Variants in TMEFF2 observed in about 807,000 individuals in gnomAD.
The protein encoded by TMEFF2 is tomoregulin-2.
In TMEFF2, 28 loss-of-function variants were observed where a neutral mutation model predicts 53.8. The ratio of observed to expected loss-of-function variants is 0.52; its 90% CI spans 0.39 to 0.71. TMEFF2 has a LOEUF of 0.71. Among genes scored for constraint, TMEFF2 ranks in the 30% least tolerant of loss-of-function variants. The pLI is 0.00. For missense variants in TMEFF2, 353 were observed against 455.2 expected, an observed-to-expected ratio of 0.78 and a Z score of 2.04; for synonymous variants, 162 against 166.3, an observed-to-expected ratio of 0.97 and a Z score of 0.20.
chr2:192,185,495 T>C (rs1691290323), intron 2 of TMEFF2, among the ~76,000 whole-genome samples: 1 of 152,136 alleles, frequency 6.6e-6, no homozygotes, highest in Non-Finnish European at 1.5e-5. Context: ...CTCTATGTTT[T>C]ACTTTTGATT....
intron 3 of TMEFF2, 70 bp downstream of exon 3, chr2:192,184,284 A>G: frequency 1.9e-6 from 3 of 1,574,876 alleles, no homozygotes; most frequent in South Asian, 2.3e-5. Context: ...GGGAGATAAC[A>G]AGAAATGAAA....
chr2:192,067,956 C>T (rs888287196), intron 4 of TMEFF2, among the ~76,000 whole-genome samples: 14 of 152,020 alleles, frequency 9.2e-5, no homozygotes, highest in African/African-American at 3.4e-4. Flanking sequence ...AAACATATCT[C>T]CCATGTCACT....
Position 191,998,301 on chromosome 2 carries a change from T to C in TMEFF2, c.706A>G (p.Lys236Glu), listed in dbSNP as rs1686272951. Reference protein sequence around the residue: ...RCQDNTTTTTKSEDGHYARTD... With the variant: ...RCQDNTTTTTESEDGHYARTD... ...CTTGCATAATGCCCATCTTCAGACT[T>C]AGTAGTTGTAGTTGTGTTATCTGTG... The change falls in exon 7 of 10, where the codon AAG becomes GAG. Residue 236 changes from lysine (K) to glutamate (E), a missense_variant. Coordinates refer to ENST00000272771, the MANE Select transcript of TMEFF2 (RefSeq NM_016192.4). 2 of 1,599,168 alleles carry C rather than the reference T, an allele frequency of 1.3e-6. No homozygotes were observed. Among genetic ancestry groups the C allele is most frequent in the Non-Finnish European group, 1.7e-6 (2 of 1,173,436 alleles).
intron 4 of TMEFF2, among the ~76,000 whole-genome samples, chr2:192,140,383 A>G (rs1321568314): frequency 6.6e-6 from 1 of 152,206 alleles, no homozygotes; most frequent in Non-Finnish European, 1.5e-5. Context: ...TGAGCTAACC[A>G]CATAATCTGG....
At position 192,179,713 on chromosome 2, in the gene TMEFF2, TA is replaced by T; in HGVS notation, c.413-20del. 6.6e-7 allele frequency: 1 copy of T among 1,517,450 alleles called. No individual in the cohort carries two copies. Among genetic ancestry groups the T allele is most frequent in the South Asian group, 1.4e-5 (1 of 71,348 alleles). 94.0% of individuals were successfully genotyped at this position (1,517,450 alleles called of 1,614,324 possible). A position where few individuals can be genotyped will look rare whatever the true frequency, so the allele number is the denominator to read the frequency against. On this transcript the variant is annotated intron_variant, in intron 3 of 9. Transcript: ENST00000272771. ...CCTGCATCTGTGGGGGGAAAAGTTA[TA>T]TTTGCTAGTAAAACATATTCAAAAA...
chr2:192,121,711 T>C (rs1186940028), intron 4 of TMEFF2, among the ~76,000 whole-genome samples: 1 of 152,200 alleles, frequency 6.6e-6, no homozygotes. Flanking sequence ...AGCTCTCATC[T>C]GGTCATGGAT....
At chr2:192,174,826 C>T (rs1481489859) in intron 4 of TMEFF2, among the ~76,000 whole-genome samples, 1 of 151,490 alleles carries the variant, frequency 6.6e-6, no homozygotes, top group African/African-American at 2.4e-5. Flanking sequence ...AAACATACAA[C>T]CATGATGAGG....
At chr2:192,007,920 C>T (rs1027395798) in intron 5 of TMEFF2, among the ~76,000 whole-genome samples, 2 of 152,116 alleles carry the variant, frequency 1.3e-5, no homozygotes, top group Non-Finnish European at 2.9e-5. Flanking sequence ...AAAAATGTCA[C>T]CCCATGTCCT....
At chr2:192,023,699 A>G (rs13003741) in intron 5 of TMEFF2, among the ~76,000 whole-genome samples, 46,921 of 151,852 alleles carry the variant, frequency 0.31, 7,578 homozygotes, top group Non-Finnish European at 0.37. Flanking sequence ...TTTATCTTCT[A>G]TCTATGTTTC....
At chr2:192,095,977 T>C (rs1336445232) in intron 4 of TMEFF2, among the ~76,000 whole-genome samples, 1 of 152,192 alleles carries the variant, frequency 6.6e-6, no homozygotes, top group Non-Finnish European at 1.5e-5. Context: ...TTTGGACATT[T>C]GTAGTGGCTT....
chr2:192,109,896 T>C (rs187903605), intron 4 of TMEFF2, among the ~76,000 whole-genome samples: 1 of 152,226 alleles, frequency 6.6e-6, no homozygotes, highest in Admixed American at 6.6e-5. Context: ...CCTCAGAGAA[T>C]TCTGGATGAG....
chr2:192,053,410 C>T (rs1468987993), intron 5 of TMEFF2, among the ~76,000 whole-genome samples: 1 of 151,980 alleles, frequency 6.6e-6, no homozygotes, highest in Non-Finnish European at 1.5e-5. Context: ...TAGATTTAAC[C>T]CAGTGGGAAA....
chr2:191,962,443 G>C (rs1160840530), intron 7 of TMEFF2, among the ~76,000 whole-genome samples: 1 of 152,234 alleles, frequency 6.6e-6, no homozygotes, highest in Non-Finnish European at 1.5e-5. Flanking sequence ...GCAAGGCCTT[G>C]ATGACATGAT....
At chr2:192,004,181 A>G (rs1211432263) in intron 5 of TMEFF2, among the ~76,000 whole-genome samples, 1 of 152,120 alleles carries the variant, frequency 6.6e-6, no homozygotes, top group Non-Finnish European at 1.5e-5. Flanking sequence ...CACCTAGGAG[A>G]GATAACTTTG....
chr2:192,071,101 T>C (rs904128269), intron 4 of TMEFF2, among the ~76,000 whole-genome samples: 1 of 151,830 alleles, frequency 6.6e-6, no homozygotes, highest in African/African-American at 2.4e-5. Context: ...AGCAGAGAGA[T>C]AGTAAAAAGT....
intron 7 of TMEFF2, among the ~76,000 whole-genome samples, chr2:191,958,311 C>A (rs913925131): frequency 6.6e-6 from 1 of 152,142 alleles, no homozygotes; most frequent in Non-Finnish European, 1.5e-5. Context: ...CATTAATAAC[C>A]CCTCAGTGCT....
At chr2:192,140,808 C>A (rs1181391837) in intron 4 of TMEFF2, among the ~76,000 whole-genome samples, 1 of 152,126 alleles carries the variant, frequency 6.6e-6, no homozygotes, top group Non-Finnish European at 1.5e-5. Context: ...AACACCATGT[C>A]ATGAAGTCAT....
At chr2:192,073,074 A>T (rs1213476650) in intron 4 of TMEFF2, among the ~76,000 whole-genome samples, 1 of 151,994 alleles carries the variant, frequency 6.6e-6, no homozygotes, top group Middle Eastern at 3.2e-3. Flanking sequence ...GGGTTTCCAA[A>T]TAAAACATGT....
intron 4 of TMEFF2, among the ~76,000 whole-genome samples, chr2:192,111,811 G>A (rs1392575017): frequency 6.6e-6 from 1 of 152,204 alleles, no homozygotes; most frequent in Non-Finnish European, 1.5e-5. Context: ...GGGAGTTGGT[G>A]CTCTGTGTCC....
Sources: allele counts gnomAD v4.1 joint callset (sites outside exome capture counted in the v4.1 genomes callset), GRCh38; gene constraint gnomAD v4.1.1; transcripts MANE v1.5; gene names NCBI Gene and HGNC (gene_info 2026-07-23, HGNC 2026-07-21).